POLR1C: variants seen among roughly 807,000 people sequenced by gnomAD.
The protein encoded by POLR1C is RNA polymerase I and III subunit C.
A neutral mutation model predicts 38.3 loss-of-function variants in POLR1C; 42 were observed. The ratio of observed to expected loss-of-function variants is 1.10; its 90% CI spans 0.86 to 1.42. The LOEUF (loss-of-function observed/expected upper bound fraction) is 1.42. Among genes scored for constraint, POLR1C ranks in the 40% most tolerant of loss-of-function variants. The pLI, the probability that POLR1C is intolerant of heterozygous loss-of-function variation, is 0.00. For synonymous variants in POLR1C, 163 were observed against 163.9 expected (o/e 0.99, Z 0.04); for missense variants, 507 against 450.5 (o/e 1.13, Z -1.14).
chr6:43,547,808 C>G (rs957424815), intron 9 of POLR1C: 1 of 971,126 alleles, frequency 1.0e-6, no homozygotes, highest in Non-Finnish European at 1.6e-6. Flanking sequence ...CCCTTAAGAG[C>G]AGTTTTTATA....
At chr6:43,556,173 C>G in intron 10 of POLR1C, 1 of 536,068 alleles carries the variant, frequency 1.9e-6, no homozygotes, top group Non-Finnish European at 3.1e-6. Flanking sequence ...AACTGTATTA[C>G]CAGCTAGATC....
chr6:43,551,649 T>A (rs1382725443), intron 10 of POLR1C, among the ~76,000 whole-genome samples: 1 of 152,144 alleles, frequency 6.6e-6, no homozygotes, highest in Non-Finnish European at 1.5e-5. Context: ...CTTAGCCTCC[T>A]GAGTAGCTAG....
chr6:43,555,961 G>A (rs1172143796), intron 10 of POLR1C: 1 of 1,613,506 alleles, frequency 6.2e-7, no homozygotes, highest in Admixed American at 1.7e-5. Context: ...TTGTGCTCGG[G>A]AGGCTGCCAA....
chr6:43,531,637 A>T, downstream of POLR1C: 1 of 1,388,972 alleles, frequency 7.2e-7, no homozygotes, highest in Non-Finnish European at 1.0e-6. Context: ...ATTGGCCAAC[A>T]CTCTACAGCA....
intron 7 of POLR1C, 61 bp from the exon 8 acceptor site, chr6:43,520,871 G>A: frequency 6.3e-7 from 1 of 1,597,178 alleles, no homozygotes; most frequent in Non-Finnish European, 8.6e-7. Flanking sequence ...AGTATAACCT[G>A]GTTTGCTACC....
At chr6:43,549,994 CTA>C (rs1491307078) in intron 9 of POLR1C, 4 of 1,557,834 alleles carry the variant, frequency 2.6e-6, no homozygotes, top group African/African-American at 1.4e-5. Flanking sequence ...TGAGATCTTG[CTA>C]TGTTGCCCAG....
At chr6:43,539,517 C>A in intron 9 of POLR1C, 1 of 1,532,722 alleles carries the variant, frequency 6.5e-7, no homozygotes, top group Non-Finnish European at 8.9e-7. Context: ...AGCTTGGTGA[C>A]GGGCATCCAC....
intron 9 of POLR1C, chr6:43,539,546 C>T (rs1355404227): frequency 2.1e-6 from 3 of 1,426,502 alleles, no homozygotes; most frequent in East Asian, 4.6e-5. Flanking sequence ...TTTGGCCTTG[C>T]CTCCGCGAGC....
At position 43,520,417 on chromosome 6, in the gene POLR1C, C is replaced by T. The variant is rs377211362; in HGVS notation, c.645C>T (p.Val215=). 6.8e-6 allele frequency: 11 copies of T among 1,613,502 alleles called. No individual in the cohort carries two copies. In the African/African-American group the frequency reaches 8.0e-5, roughly 12 times the overall value. Residue 215 remains valine (V), a synonymous_variant, in exon 6 of 9, where the codon GTC becomes GTT. Coordinates refer to ENST00000642195, the MANE Select transcript of POLR1C (RefSeq NM_203290.4). ...GQEIDLLMHC[V]KGIGKDHAKF... is the part of the protein sequence containing the mutation. ...AAATTGACCTGCTCATGCACTGTGT[C>T]AAGGGCATTGGTGAGAACCCTGTGT...
chr6:43,528,831 A>G, intron 8 of POLR1C: 1 of 1,613,282 alleles, frequency 6.2e-7, no homozygotes, highest in Non-Finnish European at 8.5e-7. Flanking sequence ...CTCTTACCAT[A>G]TGGAGGTAGG....
chr6:43,557,908 C>A (rs1479776802), intron 10 of POLR1C, among the ~76,000 whole-genome samples: 1 of 151,094 alleles, frequency 6.6e-6, no homozygotes, highest in Non-Finnish European at 1.5e-5. Context: ...CCAGCCTGAC[C>A]AACATGGAGA....
At chr6:43,557,425 CAA>C (rs1227954173) in intron 10 of POLR1C, among the ~76,000 whole-genome samples, 1 of 143,500 alleles carries the variant, frequency 7.0e-6, no homozygotes, top group African/African-American at 2.6e-5. Context: ...GACTCCATCT[CAA>C]AAAAAAAAGA....
chr6:43,549,024 C>T (rs1415415687), intron 9 of POLR1C, among the ~76,000 whole-genome samples: 1 of 152,170 alleles, frequency 6.6e-6, no homozygotes, highest in African/African-American at 2.4e-5. Context: ...ACATTTCTAA[C>T]TATACTACTA....
intron 9 of POLR1C, among the ~76,000 whole-genome samples, chr6:43,537,392 T>TG (rs1266495730): frequency 2.0e-5 from 3 of 152,204 alleles, no homozygotes; most frequent in Non-Finnish European, 4.4e-5. Flanking sequence ...AAGGATTATC[T>TG]GCTAAAAAAC....
At chr6:43,549,995 T>TAAAC (rs1491481548) in intron 9 of POLR1C, 2 of 1,558,812 alleles carry the variant, frequency 1.3e-6, no homozygotes, top group Non-Finnish European at 1.8e-6. Context: ...GAGATCTTGC[T>TAAAC]ATGTTGCCCA....
At chr6:43,554,314 T>C (rs1761903345) in intron 10 of POLR1C, among the ~76,000 whole-genome samples, 1 of 152,042 alleles carries the variant, frequency 6.6e-6, no homozygotes, top group Non-Finnish European at 1.5e-5. Context: ...GGTTTCACCA[T>C]CTTGGCCAGG....
chr6:43,529,158 TG>T, intron 8 of POLR1C: 2 of 1,427,864 alleles, frequency 1.4e-6, no homozygotes, highest in Non-Finnish European at 1.9e-6. Context: ...CTGCACATTA[TG>T]GTCACTGGCC....
chr6:43,537,895 T>C (rs1367239240), intron 9 of POLR1C, among the ~76,000 whole-genome samples: 2 of 151,728 alleles, frequency 1.3e-5, no homozygotes, highest in Non-Finnish European at 2.9e-5. Flanking sequence ...GGCAAAACCC[T>C]GTATCTACTA....
downstream of POLR1C, chr6:43,525,121 G>T (rs766477783): frequency 6.3e-7 from 1 of 1,575,992 alleles, no homozygotes; most frequent in Non-Finnish European, 8.6e-7. Flanking sequence ...TTGAGGAGAG[G>T]CCAGCAGAGC....
Sources: gnomAD v4.1 joint callset for allele counts (sites outside exome capture counted in the v4.1 genomes callset) on GRCh38, gnomAD v4.1.1 for gene constraint, MANE v1.5 for transcripts, NCBI Gene and HGNC (gene_info 2026-07-23, HGNC 2026-07-21) for gene names.